CHRM3: variants seen among roughly 807,000 people sequenced by gnomAD.
CHRM3 encodes muscarinic acetylcholine receptor M3.
Under a neutral mutation model 41.8 loss-of-function variants are expected in CHRM3, and 11 were observed. That is an observed-to-expected ratio of 0.26 (90% CI 0.17 to 0.44). CHRM3 has a LOEUF of 0.44. Ranked by LOEUF, CHRM3 falls within the 20% of genes least tolerant of loss-of-function variation. The pLI, the probability that CHRM3 is intolerant of heterozygous loss-of-function variation, is 1.00. For synonymous variants in CHRM3, 297 were observed against 301.4 expected, an observed-to-expected ratio of 0.99 and a Z score of 0.15; for missense variants, 571 against 745.4, an observed-to-expected ratio of 0.77 and a Z score of 2.72.
At chr1:239,511,818 C>T (rs936501475) in intron 2 of CHRM3, among the ~76,000 whole-genome samples, 3 of 152,156 alleles carry the variant, frequency 2.0e-5, no homozygotes, top group Non-Finnish European at 2.9e-5. Context: ...TAAAATCCTA[C>T]CATTGTCAAA....
At chr1:239,452,651 G>A (rs1176673372) in intron 1 of CHRM3, among the ~76,000 whole-genome samples, 4 of 151,984 alleles carry the variant, frequency 2.6e-5, no homozygotes, top group African/African-American at 9.7e-5. Flanking sequence ...TTACCCAAAG[G>A]GAGTATAAAT....
intron 3 of CHRM3, among the ~76,000 whole-genome samples, chr1:239,614,374 G>T (rs1176303046): frequency 2.0e-5 from 3 of 152,110 alleles, no homozygotes; most frequent in Non-Finnish European, 4.4e-5. Context: ...GAAAGTGGCT[G>T]CTTATTTTTA....
intron 5 of CHRM3, among the ~76,000 whole-genome samples, chr1:239,740,391 AT>A (rs1450303754): frequency 6.6e-6 from 1 of 151,862 alleles, no homozygotes; most frequent in Non-Finnish European, 1.5e-5. Flanking sequence ...GAAATCTGAA[AT>A]TTTGACAAGA....
At position 239,599,553 on chromosome 1, in the gene CHRM3, GCA is replaced by G. The variant is rs541764187; in HGVS notation, c.-312-32670_-312-32669del. On this transcript the variant is annotated intron_variant, in intron 3 of 6. Coordinates refer to ENST00000676153, the MANE Select transcript of CHRM3 (RefSeq NM_001375978.1). ...CACCCATACTTCCCACTGAAGGAGT[GCA>G]AGACTTGTGTTTCATAACTTAGGGT... Among the ~76,000 whole-genome samples the G allele has an allele frequency of 4.2e-3, 639 of 151,768 alleles. 6 individuals carry two copies. Among genetic ancestry groups the G allele is most frequent in the African/African-American group, 0.015 (616 of 41,370 alleles).
chr1:239,550,241 G>T (rs992241335), intron 3 of CHRM3, among the ~76,000 whole-genome samples: 1 of 152,064 alleles, frequency 6.6e-6, no homozygotes, highest in Non-Finnish European at 1.5e-5. Context: ...TTACAGGCAC[G>T]GTCATCTGTG....
At chr1:239,421,240 A>G (rs966627875) in intron 1 of CHRM3, among the ~76,000 whole-genome samples, 1 of 152,150 alleles carries the variant, frequency 6.6e-6, no homozygotes, top group Non-Finnish European at 1.5e-5. Context: ...ATTCTTTCTG[A>G]TTTTAGCACT....
At chr1:239,581,952 A>G (rs544928500) in intron 3 of CHRM3, among the ~76,000 whole-genome samples, 1 of 152,322 alleles carries the variant, frequency 6.6e-6, no homozygotes. Flanking sequence ...AGCATTTTTC[A>G]TCTCTGCCAT....
At chr1:239,658,661 C>T (rs781599478) in intron 4 of CHRM3, among the ~76,000 whole-genome samples, 7 of 152,194 alleles carry the variant, frequency 4.6e-5, no homozygotes, top group Non-Finnish European at 7.4e-5. Context: ...ATTTTTAGCA[C>T]CTAAAAGCTG....
intron 3 of CHRM3, among the ~76,000 whole-genome samples, chr1:239,566,723 A>G (rs550513501): frequency 6.6e-6 from 1 of 152,210 alleles, no homozygotes; most frequent in South Asian, 2.1e-4. Context: ...CTTTGACTCA[A>G]CTTTCATGGG....
intron 6 of CHRM3, among the ~76,000 whole-genome samples, chr1:239,854,991 T>C (rs1418514361): frequency 6.6e-6 from 1 of 152,188 alleles, no homozygotes; most frequent in African/African-American, 2.4e-5. Flanking sequence ...ACTTCATTCA[T>C]AAAGTTTGCA....
At chr1:239,903,180 G>T (rs192130672) in intron 6 of CHRM3, among the ~76,000 whole-genome samples, 8 of 152,028 alleles carry the variant, frequency 5.3e-5, no homozygotes, top group South Asian at 2.1e-4. Context: ...ATTTGGGGGG[G>T]CTCTTCAGAT....
At chr1:239,857,035 C>T (rs1675179114) in intron 6 of CHRM3, among the ~76,000 whole-genome samples, 1 of 152,104 alleles carries the variant, frequency 6.6e-6, no homozygotes, top group African/African-American at 2.4e-5. Context: ...ATTCTTTGAG[C>T]AGAAACTTGA....
At chr1:239,643,228 C>A (rs1278019587) in intron 4 of CHRM3, among the ~76,000 whole-genome samples, 1 of 152,202 alleles carries the variant, frequency 6.6e-6, no homozygotes, top group Admixed American at 6.5e-5. Flanking sequence ...CAGGGACCCA[C>A]TGGAGGAGGC....
At chr1:239,710,298 A>T (rs1179264014) in intron 5 of CHRM3, among the ~76,000 whole-genome samples, 1 of 152,170 alleles carries the variant, frequency 6.6e-6, no homozygotes, top group East Asian at 1.9e-4. Flanking sequence ...TATGTATATA[A>T]CTACATCCAT....
chr1:239,715,120 C>A (rs1174340763), intron 5 of CHRM3, among the ~76,000 whole-genome samples: 1 of 152,090 alleles, frequency 6.6e-6, no homozygotes, highest in Non-Finnish European at 1.5e-5. Context: ...TGAGTAAAAA[C>A]TGAGAAGGAC....
chr1:239,580,303 CACACAT>C (rs1231693026), intron 3 of CHRM3, among the ~76,000 whole-genome samples: 5 of 120,150 alleles, frequency 4.2e-5, no homozygotes, highest in South Asian at 5.5e-4. Context: ...CACACACACA[CACACAT>C]CAAAAATTGA....
chr1:239,680,985 GA>G (rs1346407462), intron 5 of CHRM3, among the ~76,000 whole-genome samples: 3 of 152,098 alleles, frequency 2.0e-5, no homozygotes, highest in Non-Finnish European at 4.4e-5. Context: ...GGCGGGAGGT[GA>G]AAGGCACTTC....
chr1:239,681,224 T>C (rs1658532127), intron 5 of CHRM3, among the ~76,000 whole-genome samples: 1 of 152,190 alleles, frequency 6.6e-6, no homozygotes, highest in Admixed American at 6.5e-5. Context: ...CATATCACCA[T>C]TGTTTTAGCC....
chr1:239,837,149 C>T (rs756590178), intron 6 of CHRM3, among the ~76,000 whole-genome samples: 1 of 152,126 alleles, frequency 6.6e-6, no homozygotes, highest in Non-Finnish European at 1.5e-5. Flanking sequence ...CTAGCTAAAC[C>T]ATGACAGAAA....
Sources: allele counts gnomAD v4.1 joint callset (sites outside exome capture counted in the v4.1 genomes callset), GRCh38; gene constraint gnomAD v4.1.1; transcripts MANE v1.5; gene names NCBI Gene and HGNC (gene_info 2026-07-23, HGNC 2026-07-21).